PLBD1: variants seen among roughly 807,000 people sequenced by gnomAD.
The protein encoded by PLBD1 is lysosomal leucine aminopeptidase.
PLBD1 carries 60 observed loss-of-function variants against 63.0 expected under a neutral mutation model. That is an observed-to-expected ratio of 0.95 (90% CI 0.77 to 1.18). The LOEUF (loss-of-function observed/expected upper bound fraction) is 1.18, where lower values mean the gene tolerates loss of function less well. Among genes scored for constraint, PLBD1 ranks in the 50% most tolerant of loss-of-function variants. The pLI, the probability that PLBD1 is intolerant of heterozygous loss-of-function variation, is 0.00. For missense variants in PLBD1, 598 were observed against 677.9 expected (o/e 0.88, Z 1.31); for synonymous variants, 262 against 248.0 (o/e 1.06, Z -0.53).
At chr12:14,539,924 ATGTATATATGTG>A (rs1421591275) in intron 4 of PLBD1, among the ~76,000 whole-genome samples, 3 of 147,488 alleles carry the variant, frequency 2.0e-5, no homozygotes, top group South Asian at 4.2e-4. Flanking sequence ...AGACATGTAC[ATGTATATATGTG>A]TGTATATATG....
chr12:14,561,674 C>T (rs1945742990), intron 1 of PLBD1, among the ~76,000 whole-genome samples: 1 of 152,314 alleles, frequency 6.6e-6, no homozygotes, highest in South Asian at 2.1e-4. Context: ...CCTGCCTCAG[C>T]CTCCTGAGTA....
At chr12:14,555,501 C>T (rs547046954) in intron 1 of PLBD1, among the ~76,000 whole-genome samples, 1 of 152,244 alleles carries the variant, frequency 6.6e-6, no homozygotes, top group East Asian at 1.9e-4. Context: ...TGTGCCATTG[C>T]ACTCCAGCCT....
At chr12:14,540,084 A>G (rs1324654069) in intron 4 of PLBD1, among the ~76,000 whole-genome samples, 4 of 99,554 alleles carry the variant, frequency 4.0e-5, no homozygotes, top group Non-Finnish European at 8.1e-5. Flanking sequence ...ATAGGCAAAA[A>G]GAGAGTTATA....
chr12:14,521,780 A>G (rs1352721501), intron 6 of PLBD1, among the ~76,000 whole-genome samples: 2 of 152,190 alleles, frequency 1.3e-5, no homozygotes, highest in African/African-American at 2.4e-5. Flanking sequence ...AAAAAACACA[A>G]TAACTCTCCC....
chr12:14,523,982 A>T (rs953367790), intron 6 of PLBD1, among the ~76,000 whole-genome samples: 1 of 152,202 alleles, frequency 6.6e-6, no homozygotes, highest in Admixed American at 6.5e-5. Context: ...AGCCATAAAA[A>T]GGATCAAATT....
intron 1 of PLBD1, among the ~76,000 whole-genome samples, chr12:14,561,476 G>A (rs1430495257): frequency 6.6e-6 from 1 of 152,062 alleles, no homozygotes; most frequent in Non-Finnish European, 1.5e-5. Flanking sequence ...CAGATGAGAG[G>A]TGGAGTCTCA....
intron 6 of PLBD1, among the ~76,000 whole-genome samples, chr12:14,528,667 G>A (rs4763388): frequency 0.25 from 37,577 of 151,704 alleles, 5,319 homozygotes; most frequent in Admixed American, 0.33. Flanking sequence ...TCTACATTAA[G>A]AAGCTAGAAA....
At chr12:14,540,106 T>TTTTATATATATATATATA (rs71448876) in intron 4 of PLBD1, among the ~76,000 whole-genome samples, 2,346 of 63,854 alleles carry the variant, frequency 0.037, 324 homozygotes, top group East Asian at 0.062. Context: ...AATATAAATA[T>TTTTATATATATATATATA]TATTTATATA....
At position 14,507,034 on chromosome 12, in the gene PLBD1, A is replaced by G. The variant is rs1945261993; in HGVS notation, c.1271T>C (p.Leu424Ser). The G allele has an allele frequency of 6.2e-7, 1 of 1,614,054 alleles. No homozygotes were observed. The change falls in exon 9 of 11, where the codon TTG becomes TCG. Residue 424 changes from leucine (L) to serine (S), a missense_variant. Leu to Ser is a moderately radical substitution (Grantham distance 145). Coordinates refer to ENST00000240617, the MANE Select transcript of PLBD1 (RefSeq NM_024829.6). ...GYPLLVQKLGLDYSYDLAPRA... is the reference protein window; with the variant it reads ...GYPLLVQKLGSDYSYDLAPRA... ...TGGAGCTAAATCATAAGAGTAGTCC[A>G]AGCCCAGCTTCTGAACTAACAGTGG...
chr12:14,556,377 C>T, intron 1 of PLBD1, among the ~76,000 whole-genome samples: 1 of 147,882 alleles, frequency 6.8e-6, no homozygotes, highest in South Asian at 2.2e-4. Flanking sequence ...AACATTTTAC[C>T]TTTTTTTTTT....
chr12:14,519,642 G>T (rs1945361696), intron 6 of PLBD1, among the ~76,000 whole-genome samples: 1 of 151,116 alleles, frequency 6.6e-6, no homozygotes, highest in Non-Finnish European at 1.5e-5. Flanking sequence ...AAAAAAGGAG[G>T]AAGTGATGCC....
intron 6 of PLBD1, among the ~76,000 whole-genome samples, chr12:14,524,072 C>T (rs748224531): frequency 6.6e-6 from 1 of 152,012 alleles, no homozygotes; most frequent in South Asian, 2.1e-4. Context: ...GACAAATACT[C>T]CACAATCTCA....
In PLBD1 at chr12:14,503,831, C is replaced by T. The variant is rs1945224788; in HGVS notation, c.1603G>A (p.Glu535Lys). 6.2e-7 allele frequency: 1 copy of T among 1,613,884 alleles called. No homozygotes were observed. The highest frequency in any genetic ancestry group is 1.1e-5 in the South Asian group (1 of 91,070). Residue 535 changes from glutamate to lysine, a missense_variant, in exon 11 of 11, where the codon GAG (glutamate) becomes AAG (lysine). Glu to Lys is a moderately conservative substitution (Grantham distance 56, BLOSUM62 1). Coordinates refer to ENST00000240617, the MANE Select transcript of PLBD1 (RefSeq NM_024829.6). Reference protein sequence around the residue: ...FNKTLHQGMPEVYNFDFITMK... With the variant: ...FNKTLHQGMPKVYNFDFITMK... ...GTAATAAAATCAAAGTTGTAGACCT[C>T]TGGCATGCCCTGATGTAGAGTTTTG...
At chr12:14,505,145 T>C (rs1265737092) in intron 10 of PLBD1, among the ~76,000 whole-genome samples, 2 of 150,952 alleles carry the variant, frequency 1.3e-5, no homozygotes, top group Non-Finnish European at 2.9e-5. Flanking sequence ...TTGAGAGTCA[T>C]TACGGCTAAA....
In PLBD1 at chr12:14,506,946, G is replaced by A. The variant is rs757636648; in HGVS notation, c.1359C>T (p.Ile453=). The A allele has an allele frequency of 1.8e-5, 29 of 1,614,054 alleles. No individual in the cohort carries two copies. The highest frequency in any genetic ancestry group is 2.5e-5 in the Non-Finnish European group (29 of 1,179,938). The change falls in exon 9 of 11, where the codon ATC becomes ATT. Residue 453 remains isoleucine (I), a synonymous_variant. Coordinates refer to ENST00000240617, the MANE Select transcript of PLBD1 (RefSeq NM_024829.6). ...TATGCTACGTACTGTTGTATCGCATGATATATTTCATGGATGCCGTATCAG... is the reference window on the plus strand; with the variant it reads ...TATGCTACGTACTGTTGTATCGCATAATATATTTCATGGATGCCGTATCAG... The part of the protein sequence containing the change: ...KVTDTASMKY[I]MRYNNYKKDP...
At chr12:14,520,736 G>A (rs75092013) in intron 6 of PLBD1, among the ~76,000 whole-genome samples, 2,726 of 152,264 alleles carry the variant, frequency 0.018, 74 homozygotes, top group African/African-American at 0.063. Flanking sequence ...GTCAAGGTCG[G>A]TATGAAACCA....
chr12:14,539,899 C>T (rs1469618774), intron 4 of PLBD1, among the ~76,000 whole-genome samples: 3 of 147,808 alleles, frequency 2.0e-5, no homozygotes, highest in Non-Finnish European at 1.5e-5. Flanking sequence ...CATATATATA[C>T]ACACATATAT....
At chr12:14,553,103 T>G in intron 2 of PLBD1, 90 bp downstream of exon 2, 1 of 1,146,118 alleles carries the variant, frequency 8.7e-7, no homozygotes, top group African/African-American at 1.5e-5. Flanking sequence ...TCAGTTCTAA[T>G]GTGCAATGCC....
intron 2 of PLBD1, among the ~76,000 whole-genome samples, chr12:14,544,961 T>C (rs1314597387): frequency 6.7e-6 from 1 of 150,138 alleles, no homozygotes; most frequent in Non-Finnish European, 1.5e-5. Context: ...TCAATTTCTT[T>C]GTGGATTTTG....
Sources: gnomAD v4.1 joint callset for allele counts (sites outside exome capture counted in the v4.1 genomes callset) on GRCh38, gnomAD v4.1.1 for gene constraint, MANE v1.5 for transcripts, NCBI Gene and HGNC (gene_info 2026-07-23, HGNC 2026-07-21) for gene names.